KDM5B: variants seen among roughly 807,000 people sequenced by gnomAD.
KDM5B encodes lysine demethylase 5B, also known as lysine-specific demethylase 5B.
A neutral mutation model predicts 193.4 loss-of-function variants in KDM5B; 144 were observed. That is an observed-to-expected ratio of 0.74 (90% CI 0.65 to 0.86). The LOEUF (loss-of-function observed/expected upper bound fraction) is 0.86. KDM5B is among the 40% of genes least tolerant of loss of function. The probability of loss-of-function intolerance (pLI) is 0.00; values close to 1 mark genes in which losing one functional copy is unlikely to be tolerated. For missense variants in KDM5B, 1,833 were observed against 1,886.9 expected (o/e 0.97, Z 0.53); for synonymous variants, 668 against 682.6 (o/e 0.98, Z 0.33).
chr1:202,798,391 T>C (rs1439172426), intron 1 of KDM5B, among the ~76,000 whole-genome samples: 1 of 144,738 alleles, frequency 6.9e-6, no homozygotes, highest in African/African-American at 2.6e-5. Context: ...CACCTGCACC[T>C]CCCCAAGTGC....
At chr1:202,739,931 C>A (rs528626560) in intron 20 of KDM5B, among the ~76,000 whole-genome samples, 6 of 152,250 alleles carry the variant, frequency 3.9e-5, no homozygotes, top group Admixed American at 6.5e-5. Flanking sequence ...ACCTTTCCCC[C>A]CTTTCTATTC....
At chr1:202,732,133 C>T in intron 23 of KDM5B, 194 bp from the exon 24 acceptor site, 1 of 536,658 alleles carries the variant, frequency 1.9e-6, no homozygotes, top group Non-Finnish European at 3.3e-6. Context: ...TTCCCAAAGA[C>T]CAAGCCTTTA....
At chr1:202,783,708 T>C (rs556813262) in intron 1 of KDM5B, among the ~76,000 whole-genome samples, 1 of 151,594 alleles carries the variant, frequency 6.6e-6, no homozygotes, top group African/African-American at 2.4e-5. Context: ...AAACCCCATC[T>C]CTACTAAAAA....
intron 16 of KDM5B, among the ~76,000 whole-genome samples, chr1:202,744,801 A>G (rs939353010): frequency 2.6e-5 from 4 of 152,250 alleles, no homozygotes; most frequent in Non-Finnish European, 5.9e-5. Context: ...TACTGGGTAT[A>G]TACCCAAAGG....
At chr1:202,786,211 T>C (rs958036742) in intron 1 of KDM5B, among the ~76,000 whole-genome samples, 6 of 147,192 alleles carry the variant, frequency 4.1e-5, no homozygotes, top group South Asian at 4.4e-4. Flanking sequence ...GGTCTCACTA[T>C]GTTGCACAGG....
At chr1:202,732,931 G>A (rs1308076049) in intron 23 of KDM5B, among the ~76,000 whole-genome samples, 1 of 152,196 alleles carries the variant, frequency 6.6e-6, no homozygotes, top group Non-Finnish European at 1.5e-5. Context: ...GCTTTCCTCT[G>A]AAATAACACA....
At chr1:202,767,293 A>T (rs1656509707) in intron 4 of KDM5B, 3 of 1,609,426 alleles carry the variant, frequency 1.9e-6, no homozygotes. Flanking sequence ...TCCAAAGTAC[A>T]AACACATCTT....
chr1:202,756,647 A>G (rs1048721627), intron 9 of KDM5B, 131 bp from the exon 10 acceptor site: 2 of 582,300 alleles, frequency 3.4e-6, no homozygotes, highest in Non-Finnish European at 5.3e-6. Context: ...AATTGATCTT[A>G]GGCAATTCAG....
chr1:202,741,302 G>A lies in KDM5B; in HGVS notation c.2945+65C>T, dbSNP rs1451450066. The A allele has an allele frequency of 6.0e-6, 7 of 1,165,908 alleles. No homozygotes were observed. In the Admixed American group the frequency reaches 7.5e-5, roughly 13 times the overall value. 72.2% of individuals were successfully genotyped at this position (1,165,908 alleles called of 1,614,324 possible). A position where few individuals can be genotyped will look rare whatever the true frequency, so the allele number is the denominator to read the frequency against. ...GCACTTGCCATAGACCAATCATTGT[G>A]CTCTGTGTTTAAGCTGGAGATAACT... On this transcript the variant is annotated intron_variant, in intron 19 of 26. Coordinates refer to ENST00000367265, the MANE Select transcript of KDM5B (RefSeq NM_006618.5).
intron 18 of KDM5B, 22 bp from the exon 19 acceptor site, chr1:202,741,744 G>T: frequency 7.0e-7 from 1 of 1,429,808 alleles, no homozygotes. Context: ...TACACAGGTT[G>T]TTGCATTAAA....
chr1:202,773,230 AT>A lies in KDM5B; in HGVS notation c.463del (p.Ile155LeufsTer37). 2 of 1,614,118 alleles carry A rather than the reference AT, an allele frequency of 1.2e-6. No individual in the cohort carries two copies. The highest frequency in any genetic ancestry group is 2.2e-5 in the East Asian group (1 of 44,876). The part of the protein sequence containing the change: ...VVCKDRKWTK[I>X]ATKMGFAPGK... ...AGGAGCAAACCCCATCTTGGTAGCA[AT>A]TTTGGTCCATTTTCTATCCTTGCAA... On this transcript the variant is annotated frameshift_variant, in exon 4 of 27. Transcript: ENST00000367265. LOFTEE classifies it high-confidence loss of function.
At chr1:202,736,427 A>G in intron 20 of KDM5B, 35 bp from the exon 21 acceptor site, 1 of 1,478,274 alleles carries the variant, frequency 6.8e-7, no homozygotes, top group Non-Finnish European at 9.1e-7. Context: ...CAGTTTAGAG[A>G]AAAGAACACT....
chr1:202,763,838 C>T (rs893560911), intron 6 of KDM5B, among the ~76,000 whole-genome samples: 5 of 152,210 alleles, frequency 3.3e-5, no homozygotes, highest in African/African-American at 1.2e-4. Context: ...TTCTGTTTCT[C>T]TCTCCCACTA....
chr1:202,772,485 T>C (rs1410202578), intron 4 of KDM5B, among the ~76,000 whole-genome samples: 2 of 152,148 alleles, frequency 1.3e-5, no homozygotes, highest in Admixed American at 6.5e-5. Flanking sequence ...TTTCACAGCT[T>C]ATACCTTCAT....
chr1:202,735,376 A>G, intron 22 of KDM5B, 53 bp downstream of exon 22: 1 of 1,549,566 alleles, frequency 6.5e-7, no homozygotes, highest in Non-Finnish European at 8.8e-7. Flanking sequence ...AGAAAGGGTT[A>G]GAAATTATTC....
Position 202,778,108 on chromosome 1 carries a change from G to A in KDM5B, c.205-1014C>T, listed in dbSNP as rs1657037959. Among the ~76,000 whole-genome samples, 7 of 152,088 alleles carry A rather than the reference G, an allele frequency of 4.6e-5. No individual in the cohort carries two copies. In the South Asian group the frequency reaches 1.2e-3, roughly 27 times the overall value. On this transcript the variant is annotated intron_variant, in intron 1 of 26. Transcript: ENST00000367265. ...GAGAATCGCTGGAACACAAGAGGCA[G>A]AGGTTGCAGTGAGCCAAGATCGCGC...
At chr1:202,756,212 A>T in intron 10 of KDM5B, 146 bp downstream of exon 10, 2 of 679,770 alleles carry the variant, frequency 2.9e-6, no homozygotes, top group East Asian at 2.6e-5. Flanking sequence ...TAGGACTAGA[A>T]TTCTTCTGTA....
At chr1:202,807,802 T>C (rs1378079662) in intron 1 of KDM5B, among the ~76,000 whole-genome samples, 6 of 150,868 alleles carry the variant, frequency 4.0e-5, no homozygotes, top group Admixed American at 1.3e-4. Context: ...GCTCCTGCCA[T>C]CACTCCATCC....
Position 202,778,131 on chromosome 1 carries a change from C to T in KDM5B, c.205-1037G>A, listed in dbSNP as rs560824596. Among the ~76,000 whole-genome samples the T allele has an allele frequency of 1.4e-4, 22 of 151,788 alleles. No individual in the cohort carries two copies. The South Asian group carries it at 3.1e-3, about 22-fold the overall frequency. ...CAGAGGTTGCAGTGAGCCAAGATCG[C>T]GCCATTGCACTCCAACCTGGGCAAC... is the stretch of plus-strand genomic sequence containing the variant. On this transcript the variant is annotated intron_variant, in intron 1 of 26. Coordinates refer to ENST00000367265, the MANE Select transcript of KDM5B (RefSeq NM_006618.5).
Sources: allele counts gnomAD v4.1 joint callset (sites outside exome capture counted in the v4.1 genomes callset), GRCh38; gene constraint gnomAD v4.1.1; transcripts MANE v1.5; gene names NCBI Gene and HGNC (gene_info 2026-07-23, HGNC 2026-07-21).